Variants in ENPP1 observed in about 807,000 individuals in gnomAD.
The protein encoded by ENPP1 is ectonucleotide pyrophosphatase/phosphodiesterase family member 1.
A neutral mutation model predicts 122.8 loss-of-function variants in ENPP1; 73 were observed. That is an observed-to-expected ratio of 0.59 (90% CI 0.49 to 0.72). The LOEUF (loss-of-function observed/expected upper bound fraction) is 0.72. Ranked by LOEUF, ENPP1 falls within the 30% of genes least tolerant of loss-of-function variation. The probability of loss-of-function intolerance (pLI) is 0.00; values close to 1 mark genes in which losing one functional copy is unlikely to be tolerated. For synonymous variants in ENPP1, 367 were observed against 391.6 expected (o/e 0.94, Z 0.74); for missense variants, 978 against 1,128.1 (o/e 0.87, Z 1.91).
rs961170414 is a variant in ENPP1 at position 131,847,971 on chromosome 6, T to C, written c.313+123T>C. 1.8e-5 allele frequency: 13 copies of C among 722,216 alleles called. No homozygotes were observed. In the Admixed American group the frequency reaches 2.1e-4, roughly 12 times the overall value. 44.7% of individuals were successfully genotyped at this position (722,216 alleles called of 1,614,324 possible). A position where few individuals can be genotyped will look rare whatever the true frequency, so the allele number is the denominator to read the frequency against. On this transcript the variant is annotated intron_variant, in intron 2 of 24. Coordinates refer to ENST00000647893, the MANE Select transcript of ENPP1 (RefSeq NM_006208.3). ...TATTCCTATGGGTACTCCATAGATA[T>C]TGTCAATTCAACGCTGGCTTGAGCC...
At chr6:131,818,535 C>A (rs1209987687) in intron 1 of ENPP1, among the ~76,000 whole-genome samples, 1 of 151,796 alleles carries the variant, frequency 6.6e-6, no homozygotes, top group African/African-American at 2.4e-5. Flanking sequence ...GTAGTCCCAG[C>A]TCCTTGGGAG....
rs368968152 is a variant in ENPP1 at position 131,882,469 on chromosome 6, C to G, written c.2225C>G (p.Pro742Arg). 4 of 1,605,374 alleles carry G rather than the reference C, an allele frequency of 2.5e-6. No homozygotes were observed. The highest frequency in any genetic ancestry group is 1.3e-5 in the African/African-American group (1 of 74,470). Residue 742 changes from proline (P) to arginine (R), a missense_variant, in exon 21 of 25, where the codon CCA (proline) becomes CGA (arginine). Transcript: ENST00000647893. ...AAAGTGAGTTACGGGTTCCTCTCCCCACCACGTAAGTTTTTTCCTCTCCTG... is the reference window on the plus strand; with the variant it reads ...AAAGTGAGTTACGGGTTCCTCTCCCGACCACGTAAGTTTTTTCCTCTCCTG... ...NTKVSYGFLS[P>R]PQLNKNSSGI...
intron 1 of ENPP1, among the ~76,000 whole-genome samples, chr6:131,843,108 T>G (rs1394760169): frequency 6.6e-6 from 1 of 152,184 alleles, no homozygotes; most frequent in Non-Finnish European, 1.5e-5. Flanking sequence ...AAATGGATGG[T>G]AGATTATGAT....
At position 131,854,955 on chromosome 6, in the gene ENPP1, C is replaced by A. The variant is rs760786509; in HGVS notation, c.647C>A (p.Ser216Tyr). Residue 216 changes from serine to tyrosine, a missense_variant, in exon 6 of 25, where the codon TCT becomes TAT. Around this residue, in one of 3 missense-constraint regions of ENPP1, gnomAD observed 330 missense variants for 328.5 expected, o/e 1.00. Transcript: ENST00000647893. ...GAAACGCCTCCTACCCTCTTATTTT[C>A]TTTGGATGGATTCAGGGCAGAATAT... Reference protein sequence around the residue: ...GFETPPTLLFSLDGFRAEYLH... With the variant: ...GFETPPTLLFYLDGFRAEYLH... 16 of 1,613,298 alleles carry A rather than the reference C, an allele frequency of 9.9e-6. No homozygotes were observed. Among genetic ancestry groups the A allele is most frequent in the Non-Finnish European group, 9.3e-6 (11 of 1,179,616 alleles).
intron 18 of ENPP1, chr6:131,877,866 A>AAAAAATATATATATAT (rs1562183349): frequency 7.5e-5 from 4 of 53,020 alleles, no homozygotes; most frequent in African/African-American, 2.8e-4. Flanking sequence ...AAAAAAAAAA[A>AAAAAATATATATATAT]ATATATATAT....
In ENPP1 at chr6:131,880,054, T is replaced by C; in HGVS notation, c.2100+20T>C. 6.2e-7 allele frequency: 1 copy of C among 1,609,882 alleles called. No homozygotes were observed. The highest frequency in any genetic ancestry group is 8.5e-7 in the Non-Finnish European group (1 of 1,176,200). ...AGAAATGCAAGTATTTGTCACCTCT[T>C]TATGTGTGGCCATTTCAAATTAATG... On this transcript the variant is annotated intron_variant, in intron 20 of 24. Coordinates refer to ENST00000647893, the MANE Select transcript of ENPP1 (RefSeq NM_006208.3).
intron 1 of ENPP1, among the ~76,000 whole-genome samples, chr6:131,833,871 A>G (rs11965008): frequency 0.019 from 2,878 of 152,318 alleles, 108 homozygotes; most frequent in African/African-American, 0.064. Flanking sequence ...TAATAATTCT[A>G]TGATTACTTC....
At chr6:131,837,172 T>TGTG (rs1554277406) in intron 1 of ENPP1, among the ~76,000 whole-genome samples, 1 of 135,974 alleles carries the variant, frequency 7.4e-6, no homozygotes, top group Non-Finnish European at 1.6e-5. Context: ...CCTGTTGTCA[T>TGTG]TGTGTGTGTG....
At position 131,878,839 on chromosome 6, in the gene ENPP1, C is replaced by T. The variant is rs56181787; in HGVS notation, c.1945+246C>T. Among the ~76,000 whole-genome samples the T allele has an allele frequency of 0.075, 11,450 of 152,218 alleles. 703 individuals are homozygous for T. Among genetic ancestry groups the T allele is most frequent in the African/African-American group, 0.16 (6,758 of 41,516 alleles). Reference sequence around the variant, plus strand: ...GTATTTAGTGGAAGCTGAATCACACCTTGTGAACATGATGGAGGTGTTCAA... The same window carrying T: ...GTATTTAGTGGAAGCTGAATCACACTTTGTGAACATGATGGAGGTGTTCAA... On this transcript the variant is annotated intron_variant, in intron 19 of 24. Transcript: ENST00000647893.
intron 1 of ENPP1, among the ~76,000 whole-genome samples, chr6:131,839,509 T>G (rs1781715266): frequency 6.6e-6 from 1 of 152,146 alleles, no homozygotes; most frequent in Non-Finnish European, 1.5e-5. Context: ...TGAGAACCCC[T>G]AAAATGCCAG....
At chr6:131,878,058 C>G (rs1782257986) in intron 18 of ENPP1, among the ~76,000 whole-genome samples, 1 of 151,314 alleles carries the variant, frequency 6.6e-6, no homozygotes, top group Non-Finnish European at 1.5e-5. Flanking sequence ...ACAATTTTGT[C>G]TTTTGCAACT....
At chr6:131,845,320 C>T (rs138930551) in intron 1 of ENPP1, among the ~76,000 whole-genome samples, 9 of 151,638 alleles carry the variant, frequency 5.9e-5, no homozygotes, top group East Asian at 1.9e-4. Context: ...CATGAGCCAC[C>T]GTGCCTGGCC....
At chr6:131,878,121 A>T (rs569214267) in intron 18 of ENPP1, among the ~76,000 whole-genome samples, 1 of 151,852 alleles carries the variant, frequency 6.6e-6, no homozygotes, top group African/African-American at 2.4e-5. Flanking sequence ...CTGTCCAGGC[A>T]TGGTGTACCA....
At chr6:131,860,549 T>A in intron 8 of ENPP1, 43 bp downstream of exon 8, 1 of 1,433,206 alleles carries the variant, frequency 7.0e-7, no homozygotes. Flanking sequence ...ATTATTCTCA[T>A]CTATTTCAAT....
At chr6:131,890,218 T>C (rs2114736733) in intron 24 of ENPP1, 123 bp from the exon 25 acceptor site, 1 of 784,612 alleles carries the variant, frequency 1.3e-6, no homozygotes, top group Non-Finnish European at 2.3e-6. Flanking sequence ...TAACAAATCA[T>C]GTGGCACGTT....
At chr6:131,852,835 G>A (rs558171293) in intron 5 of ENPP1, among the ~76,000 whole-genome samples, 2 of 151,800 alleles carry the variant, frequency 1.3e-5, no homozygotes, top group South Asian at 4.2e-4. Flanking sequence ...ACATTTTTGG[G>A]ATAACAACCT....
intron 1 of ENPP1, among the ~76,000 whole-genome samples, chr6:131,841,889 C>T (rs1781744932): frequency 6.6e-6 from 1 of 152,184 alleles, no homozygotes; most frequent in African/African-American, 2.4e-5. Context: ...CATAGCCTTC[C>T]ACAATGATCC....
intron 23 of ENPP1, among the ~76,000 whole-genome samples, chr6:131,886,125 C>T (rs1293923444): frequency 6.6e-6 from 1 of 152,184 alleles, no homozygotes; most frequent in African/African-American, 2.4e-5. Context: ...CAATTCATGA[C>T]AACATGTCCT....
At chr6:131,874,871 C>T (rs1411268818) in intron 16 of ENPP1, among the ~76,000 whole-genome samples, 1 of 151,782 alleles carries the variant, frequency 6.6e-6, no homozygotes, top group Non-Finnish European at 1.5e-5. Context: ...CCATGAAATA[C>T]TACTCAGCCA....
Sources: allele counts gnomAD v4.1 joint callset (sites outside exome capture counted in the v4.1 genomes callset), GRCh38; gene constraint gnomAD v4.1.1; regional missense constraint gnomAD v4.1.1; transcripts MANE v1.5; gene names NCBI Gene and HGNC (gene_info 2026-07-23, HGNC 2026-07-21).